RPRD1A: variants seen among roughly 807,000 people sequenced by gnomAD.
RPRD1A encodes the protein regulation of nuclear pre-mRNA domain-containing protein 1A.
A neutral mutation model predicts 37.8 loss-of-function variants in RPRD1A; 9 were observed. The observed-to-expected ratio is 0.24, with a 90% CI of 0.14 to 0.42. RPRD1A has a LOEUF of 0.42. Ranked by LOEUF, RPRD1A falls within the 10% of genes least tolerant of loss-of-function variation. The probability of loss-of-function intolerance (pLI) is 1.00; values close to 1 mark genes in which losing one functional copy is unlikely to be tolerated. For synonymous variants in RPRD1A, 138 were observed against 139.7 expected (o/e 0.99, Z 0.08); for missense variants, 255 against 371.0 (o/e 0.69, Z 2.57).
chr18:36,048,369 T>C (rs2144365631), intron 1 of RPRD1A, among the ~76,000 whole-genome samples: 1 of 152,214 alleles, frequency 6.6e-6, no homozygotes, highest in South Asian at 2.1e-4. Flanking sequence ...CCCGGCCAAA[T>C]GTAAACATTC....
At chr18:36,061,740 G>A (rs1277239072) in intron 1 of RPRD1A, among the ~76,000 whole-genome samples, 2 of 152,180 alleles carry the variant, frequency 1.3e-5, no homozygotes, top group Admixed American at 1.3e-4. Context: ...TTTGTGGTAT[G>A]AATCTAATAC....
chr18:36,051,150 A>G (rs1418073037), intron 1 of RPRD1A, among the ~76,000 whole-genome samples: 2 of 152,150 alleles, frequency 1.3e-5, no homozygotes, highest in African/African-American at 2.4e-5. Flanking sequence ...TTACTAGTAC[A>G]GTTTGCCTTA....
intron 6 of RPRD1A, among the ~76,000 whole-genome samples, chr18:35,998,640 C>T (rs1228822922): frequency 6.6e-6 from 1 of 152,196 alleles, no homozygotes. Flanking sequence ...CATACCAAGG[C>T]TCAATTCCAC....
intron 1 of RPRD1A, among the ~76,000 whole-genome samples, chr18:36,046,202 G>T (rs560287539): frequency 2.6e-5 from 4 of 152,194 alleles, no homozygotes; most frequent in African/African-American, 9.6e-5. Context: ...AAAGAAAACG[G>T]TAAGCCTAGA....
chr18:36,056,148 A>G (rs1251714851), intron 1 of RPRD1A, among the ~76,000 whole-genome samples: 1 of 152,228 alleles, frequency 6.6e-6, no homozygotes, highest in African/African-American at 2.4e-5. Flanking sequence ...CACATCCATA[A>G]AATGAAATAC....
At chr18:36,039,518 G>A (rs945845486) in intron 1 of RPRD1A, among the ~76,000 whole-genome samples, 2 of 152,196 alleles carry the variant, frequency 1.3e-5, no homozygotes, top group Admixed American at 6.5e-5. Flanking sequence ...GACTTACTCA[G>A]TGAAAGGATT....
chr18:36,016,092 CTA>C (rs1326684169), intron 6 of RPRD1A, among the ~76,000 whole-genome samples: 1 of 152,158 alleles, frequency 6.6e-6, no homozygotes, highest in Admixed American at 6.6e-5. Context: ...GAGAAAAAAA[CTA>C]TGTAAAATAA....
chr18:36,025,930 A>T (rs1911337887), intron 6 of RPRD1A: 1 of 234,880 alleles, frequency 4.3e-6, no homozygotes, highest in Admixed American at 5.3e-5. Flanking sequence ...ACCAACTATC[A>T]TCATCTGAGG....
intron 1 of RPRD1A, among the ~76,000 whole-genome samples, chr18:36,054,166 C>T (rs1399459505): frequency 1.3e-5 from 2 of 149,358 alleles, no homozygotes; most frequent in Admixed American, 6.8e-5. Context: ...AAATTATACA[C>T]CCACACTAAT....
intron 6 of RPRD1A, among the ~76,000 whole-genome samples, chr18:36,016,052 A>C (rs1452120758): frequency 6.6e-6 from 1 of 152,228 alleles, no homozygotes; most frequent in Non-Finnish European, 1.5e-5. Flanking sequence ...CAATCACTAC[A>C]TACATTTAAG....
Position 36,031,107 on chromosome 18 carries a change from A to G in RPRD1A, c.282-10T>C, listed in dbSNP as rs925973748. 4.5e-6 allele frequency: 7 copies of G among 1,540,740 alleles called. No homozygotes were observed. Among genetic ancestry groups the G allele is most frequent in the African/African-American group, 1.4e-5 (1 of 71,318 alleles). Reference sequence around the variant, plus strand: ...ACTTTCATCAGTTTCACTAAAAAAAAAAAAAAAGAAAAAAAGAAAAATGTT... The same window carrying G: ...ACTTTCATCAGTTTCACTAAAAAAAGAAAAAAAGAAAAAAAGAAAAATGTT... On this transcript the variant is annotated splice_polypyrimidine_tract_variant and intron_variant, in intron 2 of 6. Transcript: ENST00000399022.
chr18:36,015,235 CAG>C (rs1334064883), intron 6 of RPRD1A, among the ~76,000 whole-genome samples: 2 of 139,108 alleles, frequency 1.4e-5, no homozygotes, highest in Non-Finnish European at 3.1e-5. Context: ...TTTTTTGAGA[CAG>C]AGTCCCACTC....
At chr18:36,020,281 G>A (rs1039220919) in intron 6 of RPRD1A, among the ~76,000 whole-genome samples, 2 of 152,114 alleles carry the variant, frequency 1.3e-5, no homozygotes, top group African/African-American at 4.8e-5. Flanking sequence ...CTAAAAGATG[G>A]AAGATAAGAA....
intron 1 of RPRD1A, among the ~76,000 whole-genome samples, chr18:36,067,003 A>T (rs2089043777): frequency 6.6e-6 from 1 of 152,208 alleles, no homozygotes; most frequent in Admixed American, 6.5e-5. Context: ...GTGGAGTCCC[A>T]ACCCCCTGCT....
chr18:36,025,530 G>A (rs1911304428), intron 6 of RPRD1A: 1 of 727,214 alleles, frequency 1.4e-6, no homozygotes, highest in Admixed American at 3.4e-5. Flanking sequence ...TCATAAGTGA[G>A]AAAGTATAAA....
At chr18:36,009,535 C>T (rs1011992168) in intron 6 of RPRD1A, among the ~76,000 whole-genome samples, 2 of 152,236 alleles carry the variant, frequency 1.3e-5, no homozygotes, top group African/African-American at 4.8e-5. Flanking sequence ...AATCCTGTCA[C>T]TGTTCCATCT....
At chr18:35,998,369 A>AAT (rs1555669454) in intron 6 of RPRD1A, among the ~76,000 whole-genome samples, 2 of 151,908 alleles carry the variant, frequency 1.3e-5, no homozygotes, top group Non-Finnish European at 2.9e-5. Context: ...ACTAAAAAAA[A>AAT]AAATGTAACT....
intron 1 of RPRD1A, 123 bp downstream of exon 1, chr18:36,067,131 C>T: frequency 9.5e-7 from 1 of 1,048,380 alleles, no homozygotes; most frequent in Non-Finnish European, 1.4e-6. Flanking sequence ...TCCAAGCCCG[C>T]AGACCACCGC....
Position 36,067,493 on chromosome 18 carries a change from C to T in RPRD1A, c.-89G>A, listed in dbSNP as rs2089056305. 1 of 1,314,852 alleles carries T rather than the reference C, an allele frequency of 7.6e-7. No individual in the cohort carries two copies. The highest frequency in any genetic ancestry group is 1.5e-5 in the African/African-American group (1 of 67,544). 81.4% of individuals were successfully genotyped at this position (1,314,852 alleles called of 1,614,324 possible). ...CCTAGCTGCGGCCTCGCCCCCTCAC[C>T]CCACCCTTCCCCACGCTCTCACCAC... On this transcript the variant is annotated 5_prime_UTR_variant, in exon 1 of 7. Coordinates refer to ENST00000399022, the MANE Select transcript of RPRD1A (RefSeq NM_018170.5).
Sources: gnomAD v4.1 joint callset for allele counts (sites outside exome capture counted in the v4.1 genomes callset) on GRCh38, gnomAD v4.1.1 for gene constraint, MANE v1.5 for transcripts, NCBI Gene and HGNC (gene_info 2026-07-23, HGNC 2026-07-21) for gene names.